Variants in SLC16A10 observed in about 807,000 individuals in gnomAD.
SLC16A10 encodes solute carrier family 16 member 10.
Under a neutral mutation model 40.0 loss-of-function variants are expected in SLC16A10, and 27 were observed. That is an observed-to-expected ratio of 0.67 (90% CI 0.50 to 0.93). The LOEUF (loss-of-function observed/expected upper bound fraction) is 0.93, where lower values mean the gene tolerates loss of function less well. Among genes scored for constraint, SLC16A10 ranks in the 40% least tolerant of loss-of-function variants. The probability of loss-of-function intolerance (pLI) is 0.00; values close to 1 mark genes in which losing one functional copy is unlikely to be tolerated. For missense variants in SLC16A10, 529 were observed against 658.2 expected, an observed-to-expected ratio of 0.80 and a Z score of 2.15; for synonymous variants, 213 against 249.8, an observed-to-expected ratio of 0.85 and a Z score of 1.39.
intron 4 of SLC16A10, among the ~76,000 whole-genome samples, chr6:111,208,318 G>T (rs1773288397): frequency 6.6e-6 from 1 of 152,128 alleles, no homozygotes; most frequent in African/African-American, 2.4e-5. Context: ...GTGCGTGGTG[G>T]CTCATGCCTG....
intron 3 of SLC16A10, among the ~76,000 whole-genome samples, chr6:111,202,040 G>A (rs1268846340): frequency 6.6e-6 from 1 of 152,184 alleles, no homozygotes; most frequent in African/African-American, 2.4e-5. Flanking sequence ...TGTAAGAGAG[G>A]TGGAGAGGAG....
chr6:111,211,090 CTG>C (rs1773339882), intron 4 of SLC16A10, among the ~76,000 whole-genome samples: 1 of 151,116 alleles, frequency 6.6e-6, no homozygotes, highest in African/African-American at 2.4e-5. Flanking sequence ...TTTAAAGTCA[CTG>C]TGGTTGTTCT....
intron 1 of SLC16A10, among the ~76,000 whole-genome samples, chr6:111,144,494 C>T (rs905308451): frequency 4.6e-5 from 7 of 152,180 alleles, no homozygotes; most frequent in Non-Finnish European, 7.3e-5. Context: ...TGAGCCACCG[C>T]GCCTGGCCTA....
chr6:111,087,979 C>A lies in SLC16A10; in HGVS notation c.227C>A (p.Ala76Glu). Reference sequence around the variant, plus strand: ...GGCTGGGGCTGGCTGGTGATGCTGGCGGCCATGTGGTGCAACGGGTCGGTG... The same window carrying A: ...GGCTGGGGCTGGCTGGTGATGCTGGAGGCCATGTGGTGCAACGGGTCGGTG... ...EGGWGWLVML[A>E]AMWCNGSVFG... The change falls in exon 1 of 6, where the codon GCG (alanine) becomes GAG (glutamate). Residue 76 changes from alanine to glutamate, a missense_variant. Coordinates refer to ENST00000368851, the MANE Select transcript of SLC16A10 (RefSeq NM_018593.5). 1 of 1,611,198 alleles carries A rather than the reference C, an allele frequency of 6.2e-7. No individual in the cohort carries two copies. Among genetic ancestry groups the A allele is most frequent in the Admixed American group, 1.7e-5 (1 of 59,798 alleles).
At chr6:111,139,092 C>CTTTTTTT (rs755473638) in intron 1 of SLC16A10, among the ~76,000 whole-genome samples, 1 of 118,892 alleles carries the variant, frequency 8.4e-6, no homozygotes, top group Non-Finnish European at 1.7e-5. Context: ...TCTTCTTCTT[C>CTTTTTTT]TTTTTTTTTT....
intron 1 of SLC16A10, among the ~76,000 whole-genome samples, chr6:111,155,005 A>G (rs1352706792): frequency 6.9e-6 from 1 of 145,802 alleles, no homozygotes; most frequent in African/African-American, 2.6e-5. Flanking sequence ...CTTGGGTGAC[A>G]GAACAAGACT....
intron 1 of SLC16A10, among the ~76,000 whole-genome samples, chr6:111,134,419 G>A (rs1771840418): frequency 6.6e-6 from 1 of 152,134 alleles, no homozygotes. Flanking sequence ...TTATCACTCA[G>A]TCAGCTGCAG....
intron 1 of SLC16A10, among the ~76,000 whole-genome samples, chr6:111,166,119 C>T (rs2114533859): frequency 6.6e-6 from 1 of 152,212 alleles, no homozygotes; most frequent in African/African-American, 2.4e-5. Flanking sequence ...AGCAGATTGG[C>T]TACAGCTTAA....
At chr6:111,182,527 A>G (rs1368176066) in intron 3 of SLC16A10, among the ~76,000 whole-genome samples, 1 of 151,524 alleles carries the variant, frequency 6.6e-6, no homozygotes, top group Non-Finnish European at 1.5e-5. Flanking sequence ...CGGTGGTTTC[A>G]TCCAGTCTCC....
chr6:111,156,100 A>G (rs2114521230), intron 1 of SLC16A10, among the ~76,000 whole-genome samples: 1 of 152,378 alleles, frequency 6.6e-6, no homozygotes, highest in South Asian at 2.1e-4. Context: ...AACAAAATGA[A>G]GAAGTATTTG....
At chr6:111,103,293 C>T (rs748648144) in intron 1 of SLC16A10, among the ~76,000 whole-genome samples, 6 of 152,064 alleles carry the variant, frequency 3.9e-5, no homozygotes, top group Non-Finnish European at 5.9e-5. Context: ...TCTTGGCTTA[C>T]GGCCACTTCC....
chr6:111,176,505 C>G (rs980687229), intron 2 of SLC16A10, among the ~76,000 whole-genome samples: 1 of 152,182 alleles, frequency 6.6e-6, no homozygotes, highest in Non-Finnish European at 1.5e-5. Flanking sequence ...ACATGCATGG[C>G]CTTACAGCTT....
Position 111,225,042 on chromosome 6 carries a change from T to C in SLC16A10, c.*2807T>C, listed in dbSNP as rs1173552369. ...ATAGATACTCTAGATTGGATACTAT[T>C]GTAACAGATGGCCAAGAAACTTCCA... is the stretch of plus-strand genomic sequence containing the variant. On this transcript the variant is annotated 3_prime_UTR_variant, in exon 6 of 6. Transcript: ENST00000368851. 1 of 152,232 alleles carries C rather than the reference T, an allele frequency of 6.6e-6. No individual in the cohort carries two copies. The highest frequency in any genetic ancestry group is 6.5e-5 in the Admixed American group (1 of 15,278). The allele number at this position is 152,232 out of a possible 1,614,324, so 9.4% of individuals were successfully genotyped here.
chr6:111,222,622 C>T lies in SLC16A10; in HGVS notation c.*387C>T, dbSNP rs1416178304. 1.1e-5 allele frequency: 2 copies of T among 186,874 alleles called. No individual in the cohort carries two copies. Among genetic ancestry groups the T allele is most frequent in the East Asian group, 3.6e-4 (2 of 5,500 alleles). 11.6% of individuals were successfully genotyped at this position (186,874 alleles called of 1,614,324 possible). A position where few individuals can be genotyped will look rare whatever the true frequency, so the allele number is the denominator to read the frequency against. ...GAAATATTTTGTTTGTTAATGATGT[C>T]TTCAGTTCTGGTACCTCTGTTTTAC... On this transcript the variant is annotated 3_prime_UTR_variant, in exon 6 of 6. Transcript: ENST00000368851.
chr6:111,122,138 C>T lies in SLC16A10; in HGVS notation c.343+34043C>T, dbSNP rs537708482. On this transcript the variant is annotated intron_variant, in intron 1 of 5. Coordinates refer to ENST00000368851, the MANE Select transcript of SLC16A10 (RefSeq NM_018593.5). ...AAGCTCAGGGAGGGTTGGGATCAGG[C>T]GTCTGTGACTCACAGTGTTGTGGGG... 5.9e-5 allele frequency among the ~76,000 whole-genome samples: 9 copies of T among 152,288 alleles called. No individual in the cohort carries two copies. The South Asian group carries it at 1.7e-3, about 28-fold the overall frequency.
At chr6:111,121,106 C>A (rs981097539) in intron 1 of SLC16A10, among the ~76,000 whole-genome samples, 20 of 152,168 alleles carry the variant, frequency 1.3e-4, no homozygotes, top group Non-Finnish European at 1.5e-4. Context: ...ATATACAATA[C>A]AACCAGCTTC....
intron 1 of SLC16A10, among the ~76,000 whole-genome samples, chr6:111,163,671 A>G (rs961298623): frequency 3.2e-4 from 49 of 152,336 alleles, no homozygotes; most frequent in African/African-American, 1.1e-3. Context: ...TTCAAAAGTA[A>G]GGGGTCAGAA....
In SLC16A10 at chr6:111,093,096, A is replaced by G. The variant is rs372208843; in HGVS notation, c.343+5001A>G. Among the ~76,000 whole-genome samples the G allele has an allele frequency of 2.6e-5, 4 of 151,964 alleles. No homozygotes were observed. In the East Asian group the frequency reaches 7.7e-4, roughly 29 times the overall value. The stretch of plus-strand genomic sequence containing the variant: ...AAAAAGAAAGAGCAACTTTGTTTTA[A>G]CTCTGCTAGATACTGGAAAACCCAT... On this transcript the variant is annotated intron_variant, in intron 1 of 5. Coordinates refer to ENST00000368851, the MANE Select transcript of SLC16A10 (RefSeq NM_018593.5).
chr6:111,143,342 C>T (rs1243675511), intron 1 of SLC16A10, among the ~76,000 whole-genome samples: 2 of 151,952 alleles, frequency 1.3e-5, no homozygotes, highest in Non-Finnish European at 2.9e-5. Flanking sequence ...TCCCGAAGTG[C>T]TGGGATTATA....
Sources: allele counts gnomAD v4.1 joint callset (sites outside exome capture counted in the v4.1 genomes callset), GRCh38; gene constraint gnomAD v4.1.1; transcripts MANE v1.5; gene names NCBI Gene and HGNC (gene_info 2026-07-23, HGNC 2026-07-21).